NIPBL: variants seen among roughly 807,000 people sequenced by gnomAD.
The protein encoded by NIPBL is nipped-B-like protein.
Under a neutral mutation model 321.8 loss-of-function variants are expected in NIPBL, and 19 were observed. The observed-to-expected ratio is 0.06, with a 90% confidence interval of 0.04 to 0.09. The LOEUF is 0.09. NIPBL is among the 10% of genes least tolerant of loss of function. The pLI is 1.00. For missense variants in NIPBL, 2,210 were observed against 3,327.0 expected, an observed-to-expected ratio of 0.66 and a Z score of 8.26; for synonymous variants, 1,106 against 1,114.1, an observed-to-expected ratio of 0.99 and a Z score of 0.14.
chr5:36,933,049 T>A (rs1379643272), intron 1 of NIPBL, among the ~76,000 whole-genome samples: 1 of 152,056 alleles, frequency 6.6e-6, no homozygotes, highest in African/African-American at 2.4e-5. Flanking sequence ...CTGTAGGGAT[T>A]ACAATATGCT....
In NIPBL at chr5:36,876,924, G is replaced by T. The variant is rs946504141; in HGVS notation, c.-334G>T. Reference sequence around the variant, plus strand: ...CGCCGACAGGAGAATTGGTTCCCGGGCCCGCGGCGATGCCCCCCCGGTAGC... The same window carrying T: ...CGCCGACAGGAGAATTGGTTCCCGGTCCCGCGGCGATGCCCCCCCGGTAGC... On this transcript the variant is annotated 5_prime_UTR_variant, in exon 1 of 47. Transcript: ENST00000282516. 2.6e-5 allele frequency: 10 copies of T among 380,278 alleles called. No individual in the cohort carries two copies. Among genetic ancestry groups the T allele is most frequent in the Admixed American group, 4.5e-5 (1 of 21,994 alleles). The allele number at this position is 380,278 out of a possible 1,614,324, so 23.6% of individuals were successfully genotyped here. A position where few individuals can be genotyped will look rare whatever the true frequency, so the allele number is the denominator to read the frequency against.
intron 9 of NIPBL, among the ~76,000 whole-genome samples, chr5:36,979,889 G>A (rs1454713676): frequency 6.6e-6 from 1 of 151,650 alleles, no homozygotes; most frequent in East Asian, 1.9e-4. Context: ...AGAAATATTA[G>A]TTGCCCTGAT....
rs901826894 is a variant in NIPBL, at chr5:37,065,157, C to G, written c.*265C>G. ...GTTTATATCTTGGAAAAAAAACTTT[C>G]TGTTTAAAAAAAATAAACAAGTGAA... On this transcript the variant is annotated 3_prime_UTR_variant, in exon 47 of 47. Coordinates refer to ENST00000282516, the MANE Select transcript of NIPBL (RefSeq NM_133433.4). 4 of 463,668 alleles carry G rather than the reference C, an allele frequency of 8.6e-6. No homozygotes were observed. The highest frequency in any genetic ancestry group is 7.9e-5 in the African/African-American group (4 of 50,364). 28.7% of individuals were successfully genotyped at this position (463,668 alleles called of 1,614,324 possible).
intron 1 of NIPBL, among the ~76,000 whole-genome samples, chr5:36,889,224 ATTTAG>A (rs1746140697): frequency 6.6e-6 from 1 of 152,142 alleles, no homozygotes; most frequent in Non-Finnish European, 1.5e-5. Flanking sequence ...AATTGGTGTA[ATTTAG>A]TTAACTATTT....
intron 36 of NIPBL, 118 bp from the exon 37 acceptor site, chr5:37,045,325 G>A: frequency 4.1e-6 from 3 of 732,570 alleles, no homozygotes; most frequent in East Asian, 2.8e-5. Context: ...CTGCACTCCA[G>A]CCTGGGTGAC....
chr5:36,895,855 C>CA (rs1290423703), intron 1 of NIPBL, among the ~76,000 whole-genome samples: 4 of 152,210 alleles, frequency 2.6e-5, no homozygotes, highest in African/African-American at 9.6e-5. Context: ...ATTCTAGATA[C>CA]AAGTTCCTTA....
At chr5:37,000,057 G>C (rs1421056840) in intron 11 of NIPBL, among the ~76,000 whole-genome samples, 1 of 152,096 alleles carries the variant, frequency 6.6e-6, no homozygotes, top group Non-Finnish European at 1.5e-5. Flanking sequence ...TGAAGTTTAG[G>C]TATAACCCTT....
chr5:36,916,465 G>A (rs1028146290), intron 1 of NIPBL, among the ~76,000 whole-genome samples: 8 of 152,006 alleles, frequency 5.3e-5, no homozygotes, highest in Admixed American at 3.3e-4. Context: ...AATTTTTACA[G>A]CATTTTGTTT....
At chr5:36,968,699 G>GA (rs1303831196) in intron 6 of NIPBL, among the ~76,000 whole-genome samples, 1 of 151,578 alleles carries the variant, frequency 6.6e-6, no homozygotes, top group Non-Finnish European at 1.5e-5. Context: ...CATCTGTATG[G>GA]AAAAAAAAGG....
intron 3 of NIPBL, among the ~76,000 whole-genome samples, chr5:36,957,241 G>A (rs144654223): frequency 7.2e-5 from 11 of 152,274 alleles, no homozygotes; most frequent in Admixed American, 5.9e-4. Context: ...CTGCTGTGAA[G>A]TGTATTGAAA....
rs1461625385 is a variant in NIPBL, at chr5:36,961,379, C to CA, written c.359-98dup. ...TGCTCTTTGAAATGAAAACATTGAT[C>CA]AAAAAAATCTCTGGAATGTTTGAAA... On this transcript the variant is annotated intron_variant, in intron 4 of 46. Transcript: ENST00000282516. The CA allele has an allele frequency of 2.7e-5, 21 of 764,646 alleles. No individual in the cohort carries two copies. In the East Asian group the frequency reaches 3.9e-4, roughly 14 times the overall value. The allele number at this position is 764,646 out of a possible 1,614,324, so 47.4% of individuals were successfully genotyped here.
intron 43 of NIPBL, among the ~76,000 whole-genome samples, chr5:37,058,427 A>G (rs975442139): frequency 6.6e-6 from 1 of 152,220 alleles, no homozygotes; most frequent in Admixed American, 6.5e-5. Context: ...CATAAAGTAC[A>G]AAGAAACAGG....
intron 1 of NIPBL, among the ~76,000 whole-genome samples, chr5:36,938,216 TGGTTCCG>T (rs1319157462): frequency 6.6e-6 from 1 of 152,128 alleles, no homozygotes; most frequent in South Asian, 2.1e-4. Context: ...CCTGGCCCAC[TGGTTCCG>T]GGAGAAGGGT....
intron 38 of NIPBL, among the ~76,000 whole-genome samples, chr5:37,048,219 A>G (rs1301780640): frequency 6.6e-6 from 1 of 151,670 alleles, no homozygotes; most frequent in East Asian, 1.9e-4. Context: ...AAGACTCCTG[A>G]CTCCTAATCC....
intron 1 of NIPBL, among the ~76,000 whole-genome samples, chr5:36,941,512 CAA>C (rs777774119): frequency 1.3e-4 from 12 of 91,398 alleles, no homozygotes; most frequent in Non-Finnish European, 1.9e-4. Context: ...AACCCAGAAC[CAA>C]AAAAAAAAAA....
Position 36,984,801 on chromosome 5 carries a change from G to T in NIPBL, c.1621G>T (p.Val541Phe). The T allele has an allele frequency of 6.2e-7, 1 of 1,613,852 alleles. No homozygotes were observed. ...AAATGGGTCAAGGCCAGCATTAATG[G>T]TTAGCATTGATCTTCATCAGGCAGG... is the stretch of plus-strand genomic sequence containing the variant. ...TGNGSRPALM[V>F]SIDLHQAGRV... The change falls in exon 10 of 47, where the codon GTT (valine) becomes TTT (phenylalanine). Residue 541 changes from valine to phenylalanine, a missense_variant. Physicochemically the swap from Val to Phe is conservative, Grantham distance 50. Around this residue, in one of 14 missense-constraint regions of NIPBL, gnomAD observed 588 missense variants for 564.1 expected, o/e 1.04. Transcript: ENST00000282516.
At chr5:37,004,536 C>T (rs1747199113) in intron 16 of NIPBL, among the ~76,000 whole-genome samples, 1 of 151,954 alleles carries the variant, frequency 6.6e-6, no homozygotes, top group South Asian at 2.1e-4. Flanking sequence ...TCCCAAGCTG[C>T]TGGAACTACA....
intron 31 of NIPBL, 91 bp from the exon 32 acceptor site, chr5:37,027,268 G>A: frequency 9.9e-7 from 1 of 1,012,916 alleles, no homozygotes. Flanking sequence ...TGAGAAAATT[G>A]AAACATGTTT....
intron 1 of NIPBL, among the ~76,000 whole-genome samples, chr5:36,938,027 C>T (rs1430139301): frequency 6.6e-6 from 1 of 152,144 alleles, no homozygotes; most frequent in East Asian, 1.9e-4. Context: ...CATGTGACCA[C>T]ACCATTTACC....
Sources: gnomAD v4.1 joint callset for allele counts (sites outside exome capture counted in the v4.1 genomes callset) on GRCh38, gnomAD v4.1.1 for gene constraint, gnomAD v4.1.1 regional missense constraint, MANE v1.5 for transcripts, NCBI Gene and HGNC (gene_info 2026-07-23, HGNC 2026-07-21) for gene names.